Variants in MIA2 observed in about 807,000 individuals in gnomAD.
The protein encoded by MIA2 is melanoma inhibitory activity protein 2.
A neutral mutation model predicts 167.8 loss-of-function variants in MIA2; 127 were observed. The ratio of observed to expected loss-of-function variants is 0.76; its 90% CI spans 0.66 to 0.88. The LOEUF (loss-of-function observed/expected upper bound fraction) is 0.88. Among genes scored for constraint, MIA2 ranks in the 40% least tolerant of loss-of-function variants. The pLI, the probability that MIA2 is intolerant of heterozygous loss-of-function variation, is 0.00. For synonymous variants in MIA2, 552 were observed against 541.9 expected, an observed-to-expected ratio of 1.02 and a Z score of -0.26; for missense variants, 1,690 against 1,624.7, an observed-to-expected ratio of 1.04 and a Z score of -0.69.
chr14:39,349,848 C>G (rs1032197057), intron 28 of MIA2, among the ~76,000 whole-genome samples: 1 of 151,906 alleles, frequency 6.6e-6, no homozygotes, highest in Non-Finnish European at 1.5e-5. Flanking sequence ...AATAATTCCT[C>G]TTTTTTAAAA....
At chr14:39,380,979 C>T (rs147741955) in intron 23 of MIA2, among the ~76,000 whole-genome samples, 33 of 150,796 alleles carry the variant, frequency 2.2e-4, no homozygotes, top group African/African-American at 6.8e-4. Context: ...TCTTAAACAC[C>T]CAAGAGCAGC....
chr14:39,243,771 C>A (rs1451689339), intron 3 of MIA2, among the ~76,000 whole-genome samples: 3 of 152,148 alleles, frequency 2.0e-5, no homozygotes, highest in Non-Finnish European at 4.4e-5. Flanking sequence ...GAGGCTGAGA[C>A]AGGAGAATTG....
intron 25 of MIA2, among the ~76,000 whole-genome samples, chr14:39,338,843 A>G (rs1239716084): frequency 6.6e-6 from 1 of 152,220 alleles, no homozygotes; most frequent in African/African-American, 2.4e-5. Flanking sequence ...ACTGTAACAA[A>G]GGTGATTCTC....
At chr14:39,341,868 A>G (rs1421547811) in intron 25 of MIA2, among the ~76,000 whole-genome samples, 1 of 152,220 alleles carries the variant, frequency 6.6e-6, no homozygotes. Context: ...ATAAAGCTGT[A>G]TATAGAATGT....
intron 23 of MIA2, among the ~76,000 whole-genome samples, chr14:39,381,296 T>C (rs1457092536): frequency 6.6e-6 from 1 of 152,154 alleles, no homozygotes; most frequent in Admixed American, 6.5e-5. Flanking sequence ...AAAACCTTTT[T>C]CTCAAAAAAG....
intron 23 of MIA2, among the ~76,000 whole-genome samples, chr14:39,373,302 TG>T (rs2074984024): frequency 2.6e-5 from 3 of 116,884 alleles, no homozygotes; most frequent in Admixed American, 9.2e-5. Context: ...AAAAAATTCT[TG>T]GCCAAAAAAA....
chr14:39,294,137 T>G, intron 12 of MIA2, 66 bp downstream of exon 12: 1 of 1,162,104 alleles, frequency 8.6e-7, no homozygotes, highest in South Asian at 1.4e-5. Context: ...TTTTTAAAAT[T>G]AAGAAATAAG....
At chr14:39,303,340 T>G (rs959290324) in intron 15 of MIA2, 138 bp from the exon 16 acceptor site, 1 of 637,116 alleles carries the variant, frequency 1.6e-6, no homozygotes. Context: ...CCATTCTGCT[T>G]TATACCAAAT....
At chr14:39,274,708 G>T (rs1300026057) in intron 6 of MIA2, among the ~76,000 whole-genome samples, 2 of 151,476 alleles carry the variant, frequency 1.3e-5, no homozygotes, top group African/African-American at 4.8e-5. Flanking sequence ...TTACAGGCCT[G>T]AGCCACCGTG....
intron 23 of MIA2, among the ~76,000 whole-genome samples, chr14:39,367,328 C>G (rs956844121): frequency 2.0e-5 from 3 of 152,162 alleles, no homozygotes; most frequent in African/African-American, 7.2e-5. Flanking sequence ...TGTGGAGATG[C>G]AGGGGCTGTT....
chr14:39,288,452 TATATATATATATATATATATA>T (rs1416724998), intron 9 of MIA2, among the ~76,000 whole-genome samples: 265 of 14,940 alleles, frequency 0.018, 21 homozygotes, highest in Non-Finnish European at 0.03. Context: ...TATATATATA[TATATATATATATATATATATA>T]TATTTTTTTT....
chr14:39,336,991 G>A (rs2070568607), intron 25 of MIA2, among the ~76,000 whole-genome samples: 1 of 152,098 alleles, frequency 6.6e-6, no homozygotes, highest in African/African-American at 2.4e-5. Flanking sequence ...CTTGGCCTCA[G>A]GTGGTCCTCC....
chr14:39,341,431 A>C (rs1209488650), intron 25 of MIA2, among the ~76,000 whole-genome samples: 2 of 152,206 alleles, frequency 1.3e-5, no homozygotes, highest in African/African-American at 4.8e-5. Flanking sequence ...GTCTGGTTAT[A>C]AAAGTGAAAC....
intron 6 of MIA2, among the ~76,000 whole-genome samples, chr14:39,269,523 CT>C (rs34205921): frequency 2.6e-3 from 382 of 144,362 alleles, no homozygotes; most frequent in Middle Eastern, 3.7e-3. Context: ...TTTTTTCTTT[CT>C]TTTTTTTTTT....
At chr14:39,376,197 G>A (rs35869816) in intron 23 of MIA2, among the ~76,000 whole-genome samples, 34,230 of 152,044 alleles carry the variant, frequency 0.23, 5,195 homozygotes, top group Non-Finnish European at 0.34. Context: ...CAAGTGATCT[G>A]CCTGCCTTGA....
At chr14:39,237,571 G>A (rs2053812808) in intron 2 of MIA2, among the ~76,000 whole-genome samples, 1 of 152,132 alleles carries the variant, frequency 6.6e-6, no homozygotes, top group African/African-American at 2.4e-5. Flanking sequence ...AGGCTTTTTG[G>A]GAAGGCAGTA....
chr14:39,307,631 C>T (rs12883781), intron 17 of MIA2, among the ~76,000 whole-genome samples: 41,539 of 151,718 alleles, frequency 0.27, 5,862 homozygotes, highest in East Asian at 0.5. Context: ...AACTCCTGGC[C>T]TCAAGTGATC....
At chr14:39,326,565 T>C (rs1005937500) in intron 24 of MIA2, among the ~76,000 whole-genome samples, 7 of 151,236 alleles carry the variant, frequency 4.6e-5, no homozygotes, top group African/African-American at 1.7e-4. Flanking sequence ...TATTGATATA[T>C]TAGTTTAAGC....
intron 23 of MIA2, among the ~76,000 whole-genome samples, chr14:39,360,081 A>T (rs2074645706): frequency 6.7e-6 from 1 of 150,068 alleles, no homozygotes; most frequent in Non-Finnish European, 1.5e-5. Context: ...TGGGAGGCTG[A>T]GGATGAGCTC....
Sources: gnomAD v4.1 joint callset for allele counts (sites outside exome capture counted in the v4.1 genomes callset) on GRCh38, gnomAD v4.1.1 for gene constraint, MANE v1.5 for transcripts, NCBI Gene and HGNC (gene_info 2026-07-23, HGNC 2026-07-21) for gene names.